The following THSD4 variants were observed in gnomAD, a reference collection of about 807,000 sequenced individuals.
THSD4 encodes thrombospondin type-1 domain-containing protein 4.
A neutral mutation model predicts 119.0 loss-of-function variants in THSD4; 69 were observed. That is an observed-to-expected ratio of 0.58 (90% CI 0.48 to 0.71). The LOEUF (loss-of-function observed/expected upper bound fraction) is 0.71. THSD4 is among the 30% of genes least tolerant of loss of function. The pLI, the probability that THSD4 is intolerant of heterozygous loss-of-function variation, is 0.00. For synonymous variants in THSD4, 524 were observed against 540.4 expected (o/e 0.97, Z 0.42); for missense variants, 1,393 against 1,391.1 (o/e 1.00, Z -0.02).
chr15:71,458,572 C>T (rs1396900129), intron 7 of THSD4, among the ~76,000 whole-genome samples: 1 of 152,124 alleles, frequency 6.6e-6, no homozygotes, highest in Non-Finnish European at 1.5e-5. Flanking sequence ...CCTGTTTCCT[C>T]GCAAGTAAAA....
intron 7 of THSD4, among the ~76,000 whole-genome samples, chr15:71,502,375 A>G (rs2048124796): frequency 6.6e-6 from 1 of 152,242 alleles, no homozygotes; most frequent in Non-Finnish European, 1.5e-5. Flanking sequence ...AGTGAATGAA[A>G]ATAATGGGTA....
intron 7 of THSD4, among the ~76,000 whole-genome samples, chr15:71,554,906 G>T (rs1188048600): frequency 6.6e-6 from 1 of 152,090 alleles, no homozygotes; most frequent in Non-Finnish European, 1.5e-5. Context: ...GTATAATAAA[G>T]CAAACACGTA....
At position 71,728,719 on chromosome 15, in the gene THSD4, G is replaced by A. The variant is rs770575341; in HGVS notation, c.1528G>A (p.Val510Ile). 1.9e-6 allele frequency: 3 copies of A among 1,614,024 alleles called. No individual in the cohort carries two copies. The highest frequency in any genetic ancestry group is 2.5e-6 in the Non-Finnish European group (3 of 1,180,030). Residue 510 changes from valine to isoleucine, a missense_variant, in exon 9 of 18, where the codon GTC (valine) becomes ATC (isoleucine). Coordinates refer to ENST00000261862, the MANE Select transcript of THSD4 (RefSeq NM_024817.3). ...AEGPTNEILD[V>I]YMIHQQPNPG... ...AGGTCCCACCAACGAGATCTTGGAT[G>A]TCTACGTGAGTTTGGATGTTTCTGG... is the stretch of plus-strand genomic sequence containing the variant.
chr15:71,711,939 C>CAGAT (rs940573293), intron 8 of THSD4, among the ~76,000 whole-genome samples: 5 of 152,118 alleles, frequency 3.3e-5, no homozygotes, highest in Non-Finnish European at 7.4e-5. Flanking sequence ...GAGACATAGA[C>CAGAT]AGATCCCCAA....
At chr15:71,371,863 C>G (rs2046054972) in intron 6 of THSD4, among the ~76,000 whole-genome samples, 1 of 152,204 alleles carries the variant, frequency 6.6e-6, no homozygotes, top group African/African-American at 2.4e-5. Flanking sequence ...GGATAATATA[C>G]TGCAGAGTGT....
rs1595781900 is a variant in THSD4, at chr15:71,608,017, T to A, written c.1153-52513T>A. Among the ~76,000 whole-genome samples, 3 of 151,128 alleles carry A rather than the reference T, an allele frequency of 2.0e-5. No individual in the cohort carries two copies. The East Asian group carries it at 5.9e-4, about 30-fold the overall frequency. ...GGCGGGCGGATCACGAGGTCAGGAG[T>A]TCAAGATGAGCCTGGCCAACGTGGT... On this transcript the variant is annotated intron_variant, in intron 7 of 17. Coordinates refer to ENST00000261862, the MANE Select transcript of THSD4 (RefSeq NM_024817.3).
rs1301966531 is a variant in THSD4, at chr15:71,250,927, TA to T, written c.913-5679del. On this transcript the variant is annotated intron_variant, in intron 5 of 17. Transcript: ENST00000261862. ...TATGAACTTCCTTGGATGAAAAAAA[TA>T]AAAAAAGCATTTGAGAATTACAAAA... Among the ~76,000 whole-genome samples the T allele has an allele frequency of 8.6e-5, 13 of 151,518 alleles. No individual in the cohort carries two copies. In the East Asian group the frequency reaches 2.5e-3, roughly 29 times the overall value.
chr15:71,382,297 C>T (rs1458290691), intron 6 of THSD4, among the ~76,000 whole-genome samples: 1 of 152,130 alleles, frequency 6.6e-6, no homozygotes, highest in East Asian at 1.9e-4. Flanking sequence ...TCACGATTTC[C>T]TATTAAGAGC....
chr15:71,688,434 G>A lies in THSD4; in HGVS notation c.1357+27700G>A, dbSNP rs530076385. On this transcript the variant is annotated intron_variant, in intron 8 of 17. Transcript: ENST00000261862. Reference sequence around the variant, plus strand: ...GTGTCCTAATTTTTTAAGAGACTCCGTATTCCATTTGATTCATAAAAATGA... The same window carrying A: ...GTGTCCTAATTTTTTAAGAGACTCCATATTCCATTTGATTCATAAAAATGA... 5.4e-4 allele frequency among the ~76,000 whole-genome samples: 82 copies of A among 152,256 alleles called. No homozygotes were observed. In the South Asian group the frequency reaches 0.017, roughly 31 times the overall value.
intron 6 of THSD4, among the ~76,000 whole-genome samples, chr15:71,405,522 G>T (rs1305574132): frequency 2.0e-5 from 3 of 152,164 alleles, no homozygotes; most frequent in African/African-American, 7.2e-5. Flanking sequence ...TTTATATCTA[G>T]ACTCTTAAGT....
intron 8 of THSD4, among the ~76,000 whole-genome samples, chr15:71,714,974 G>A (rs1194789256): frequency 6.6e-6 from 1 of 152,138 alleles, no homozygotes; most frequent in East Asian, 1.9e-4. Flanking sequence ...CTAGTGAGTG[G>A]GTGGACAAGC....
chr15:71,249,553 A>G (rs1252560540), intron 5 of THSD4, among the ~76,000 whole-genome samples: 1 of 151,888 alleles, frequency 6.6e-6, no homozygotes, highest in East Asian at 1.9e-4. Context: ...AATTGTTAAC[A>G]GTTGTCATTT....
chr15:71,608,180 G>A lies in THSD4; in HGVS notation c.1153-52350G>A, dbSNP rs867150108. Among the ~76,000 whole-genome samples, 533 of 142,648 alleles carry A rather than the reference G, an allele frequency of 3.7e-3. 4 individuals are homozygous for A. Among genetic ancestry groups the A allele is most frequent in the African/African-American group, 0.013 (496 of 38,130 alleles). The allele number at this position is 142,648 out of a possible 152,430, so 93.6% of individuals were successfully genotyped here. ...GGTGGTTGCGGTGAGCTGAGATCGC[G>A]CCACTATACTCCAGCCTGGGGGACA... On this transcript the variant is annotated intron_variant, in intron 7 of 17. Transcript: ENST00000261862.
chr15:71,116,022 GTCCCCGGGTCGGGGCCCCGTGC>G (rs1352486785), intron 1 of THSD4, among the ~76,000 whole-genome samples: 1 of 152,192 alleles, frequency 6.6e-6, no homozygotes, highest in Non-Finnish European at 1.5e-5. Flanking sequence ...CACCTCAGTC[GTCCCCGGGTCGGGGCCCCGTGC>G]TCCCCGGGTC....
intron 7 of THSD4, among the ~76,000 whole-genome samples, chr15:71,604,943 A>C (rs72740639): frequency 3.9e-5 from 6 of 152,206 alleles, no homozygotes; most frequent in Non-Finnish European, 7.4e-5. Flanking sequence ...TAGGAAATGA[A>C]TGGGGAGTGG....
chr15:71,355,027 T>C (rs1399884464), intron 6 of THSD4, among the ~76,000 whole-genome samples: 1 of 152,214 alleles, frequency 6.6e-6, no homozygotes, highest in African/African-American at 2.4e-5. Context: ...TCCTGTTGTT[T>C]TAACATGGAA....
intron 7 of THSD4, among the ~76,000 whole-genome samples, chr15:71,583,752 T>C (rs2049603237): frequency 6.6e-6 from 1 of 152,204 alleles, no homozygotes; most frequent in Non-Finnish European, 1.5e-5. Flanking sequence ...AGTTTCATAC[T>C]ATTTTGATCA....
At chr15:71,690,669 T>G (rs2052028782) in intron 8 of THSD4, among the ~76,000 whole-genome samples, 3 of 152,190 alleles carry the variant, frequency 2.0e-5, no homozygotes, top group Non-Finnish European at 4.4e-5. Context: ...CAGTTTCATG[T>G]GGTTGGGGAG....
At chr15:71,451,305 G>T (rs745874578) in intron 7 of THSD4, among the ~76,000 whole-genome samples, 1 of 152,334 alleles carries the variant, frequency 6.6e-6, no homozygotes, top group Non-Finnish European at 1.5e-5. Context: ...AATACAAGTT[G>T]CTTCTGAGCA....
Sources: allele counts gnomAD v4.1 joint callset (sites outside exome capture counted in the v4.1 genomes callset), GRCh38; gene constraint gnomAD v4.1.1; transcripts MANE v1.5; gene names NCBI Gene and HGNC (gene_info 2026-07-23, HGNC 2026-07-21).